The following FAT3 variants were observed in gnomAD, a reference collection of about 807,000 sequenced individuals.
FAT3 encodes the protein protocadherin Fat 3.
Under a neutral mutation model 310.2 loss-of-function variants are expected in FAT3, and 95 were observed. The ratio of observed to expected loss-of-function variants is 0.31; its 90% CI spans 0.26 to 0.36. The LOEUF (loss-of-function observed/expected upper bound fraction) is 0.36. FAT3 is among the 10% of genes least tolerant of loss of function. The pLI, the probability that FAT3 is intolerant of heterozygous loss-of-function variation, is 1.00. For synonymous variants in FAT3, 2,314 were observed against 2,192.9 expected, an observed-to-expected ratio of 1.06 and a Z score of -1.54; for missense variants, 5,408 against 5,715.6, an observed-to-expected ratio of 0.95 and a Z score of 1.74.
chr11:92,835,440 T>G (rs921516634), intron 15 of FAT3, among the ~76,000 whole-genome samples: 2 of 152,140 alleles, frequency 1.3e-5, no homozygotes, highest in Non-Finnish European at 2.9e-5. Flanking sequence ...AATATATTCT[T>G]TTTTTCTTTT....
chr11:92,353,892 G>A lies in FAT3; in HGVS notation c.1780G>A (p.Gly594Ser). Residue 594 changes from glycine to serine, a missense_variant, in exon 2 of 28, where the codon GGT becomes AGT. Transcript: ENST00000525166. ...QGVISYDFPV[G>S]GHITAVSAID... is the part of the protein sequence containing the mutation. ...AGTTATTTCATATGACTTTCCAGTT[G>A]GTGGTCACATCACAGCAGTCTCAGC... is the stretch of plus-strand genomic sequence containing the variant. 6.2e-7 allele frequency: 1 copy of A among 1,613,196 alleles called. No individual in the cohort carries two copies. Among genetic ancestry groups the A allele is most frequent in the Non-Finnish European group, 8.5e-7 (1 of 1,179,426 alleles).
rs138731273 is a variant in FAT3, at chr11:92,328,811, A to C, written c.-17-23285A>C. On this transcript the variant is annotated intron_variant, in intron 1 of 27. Coordinates refer to ENST00000525166, the MANE Select transcript of FAT3 (RefSeq NM_001367949.2). ...ATTTTAAAAAGTGGATTCATTGAAG[A>C]CAGAGGTGATGAATTGTGTGGCATA... Among the ~76,000 whole-genome samples the C allele has an allele frequency of 2.0e-3, 310 of 152,248 alleles. 3 individuals carry two copies. Among genetic ancestry groups the C allele is most frequent in the African/African-American group, 7.2e-3 (300 of 41,546 alleles).
chr11:92,707,325 G>A (rs1337485114), intron 4 of FAT3, among the ~76,000 whole-genome samples: 1 of 152,186 alleles, frequency 6.6e-6, no homozygotes, highest in African/African-American at 2.4e-5. Context: ...CTTTGGGCAG[G>A]TCACAGCTTG....
rs1190413226 is a variant in FAT3, at chr11:92,797,839, A to C, written c.4826A>C (p.Asn1609Thr). The change falls in exon 10 of 28, where the codon AAC becomes ACC. Residue 1609 changes from asparagine to threonine, a missense_variant. Around this residue, in one of 5 missense-constraint regions of FAT3, gnomAD observed 4,588 missense variants for 4,809.8 expected, o/e 0.95. Coordinates refer to ENST00000525166, the MANE Select transcript of FAT3 (RefSeq NM_001367949.2). ...AELIYTIEAG[N>T]TGNMFKIEPV... ...ACCATTGATTTCTGTATTTTAGGGA[A>C]CACTGGGAACATGTTTAAGATCGAA... is the stretch of plus-strand genomic sequence containing the variant. The C allele has an allele frequency of 6.2e-7, 1 of 1,607,044 alleles. No individual in the cohort carries two copies. Among genetic ancestry groups the C allele is most frequent in the Non-Finnish European group, 8.5e-7 (1 of 1,174,748 alleles).
At chr11:92,723,704 G>A (rs1944924904) in intron 4 of FAT3, among the ~76,000 whole-genome samples, 1 of 152,194 alleles carries the variant, frequency 6.6e-6, no homozygotes. Context: ...CATGGCAGAA[G>A]GTGAAAGGCA....
At chr11:92,403,507 A>C (rs1950069818) in intron 2 of FAT3, 1 of 152,196 alleles carries the variant, frequency 6.6e-6, no homozygotes, top group Non-Finnish European at 1.5e-5. Flanking sequence ...TGTAAATGTG[A>C]TAGGAGTTTA....
chr11:92,355,224 C>T lies in FAT3; in HGVS notation c.3112C>T (p.Leu1038Phe). 1.9e-6 allele frequency: 3 copies of T among 1,613,782 alleles called. No homozygotes were observed. Among genetic ancestry groups the T allele is most frequent in the African/African-American group, 2.7e-5 (2 of 75,010 alleles). ...EVEVVDVNEN[L>F]HTPYFPDFAV... is the part of the protein sequence containing the mutation. ...GGAAGTGGTGGATGTCAATGAAAACCTCCACACTCCCTATTTCCCAGACTT... is the reference window on the plus strand; with the variant it reads ...GGAAGTGGTGGATGTCAATGAAAACTTCCACACTCCCTATTTCCCAGACTT... Residue 1038 changes from leucine (L) to phenylalanine (F), a missense_variant, in exon 2 of 28, where the codon CTC (leucine) becomes TTC (phenylalanine). Transcript: ENST00000525166.
chr11:92,482,847 A>T (rs1952270575), intron 2 of FAT3, among the ~76,000 whole-genome samples: 1 of 152,176 alleles, frequency 6.6e-6, no homozygotes, highest in Non-Finnish European at 1.5e-5. Flanking sequence ...TGAGAAAGCG[A>T]GAGGGAAAGT....
At chr11:92,591,594 A>G (rs1939429659) in intron 3 of FAT3, among the ~76,000 whole-genome samples, 1 of 152,158 alleles carries the variant, frequency 6.6e-6, no homozygotes, top group Non-Finnish European at 1.5e-5. Context: ...TCTTTCAGAA[A>G]ATGTTTTCAT....
chr11:92,293,337 C>T (rs1489362680), intron 1 of FAT3, among the ~76,000 whole-genome samples: 2 of 151,498 alleles, frequency 1.3e-5, no homozygotes, highest in East Asian at 3.9e-4. Context: ...GGCAGATCAT[C>T]AGTCTTTTCT....
intron 2 of FAT3, among the ~76,000 whole-genome samples, chr11:92,522,497 C>A (rs184854516): frequency 6.6e-6 from 1 of 152,110 alleles, no homozygotes; most frequent in African/African-American, 2.4e-5. Context: ...TCTGGGTTGA[C>A]GGTTCAGGGC....
chr11:92,669,897 A>G (rs1399432167), intron 3 of FAT3, among the ~76,000 whole-genome samples: 1 of 152,204 alleles, frequency 6.6e-6, no homozygotes, highest in Non-Finnish European at 1.5e-5. Context: ...TGTTACTACT[A>G]TTATTCAAAA....
chr11:92,327,757 A>T (rs1386776651), intron 1 of FAT3, among the ~76,000 whole-genome samples: 1 of 152,206 alleles, frequency 6.6e-6, no homozygotes, highest in Non-Finnish European at 1.5e-5. Flanking sequence ...AGTGACTCTG[A>T]GGAAGTCACT....
chr11:92,260,165 C>T (rs1441402156), intron 1 of FAT3, among the ~76,000 whole-genome samples: 2 of 152,218 alleles, frequency 1.3e-5, no homozygotes, highest in Admixed American at 6.5e-5. Flanking sequence ...TTCCTCTCTA[C>T]CCCTTTCTGT....
intron 21 of FAT3, among the ~76,000 whole-genome samples, chr11:92,861,710 T>A (rs920787594): frequency 1.3e-5 from 2 of 152,236 alleles, no homozygotes; most frequent in South Asian, 4.1e-4. Flanking sequence ...GCCAGGAATA[T>A]CCACTAAGGG....
intron 7 of FAT3, among the ~76,000 whole-genome samples, chr11:92,789,318 A>G (rs1320280565): frequency 6.6e-6 from 1 of 152,208 alleles, no homozygotes; most frequent in Non-Finnish European, 1.5e-5. Context: ...TGTTCATTAC[A>G]CTATTTTATA....
intron 1 of FAT3, among the ~76,000 whole-genome samples, chr11:92,319,251 C>T (rs971722381): frequency 6.6e-5 from 10 of 152,090 alleles, no homozygotes; most frequent in African/African-American, 1.9e-4. Context: ...GGTTTTCTTT[C>T]GTTGTTCAAG....
chr11:92,703,514 C>T (rs978449990), intron 4 of FAT3, among the ~76,000 whole-genome samples: 1 of 152,178 alleles, frequency 6.6e-6, no homozygotes, highest in Non-Finnish European at 1.5e-5. Flanking sequence ...CAGGCATCAG[C>T]GTCAGAAGGA....
chr11:92,537,336 G>A lies in FAT3; in HGVS notation c.3607+12388G>A, dbSNP rs1591419284. On this transcript the variant is annotated intron_variant, in intron 3 of 27. Coordinates refer to ENST00000525166, the MANE Select transcript of FAT3 (RefSeq NM_001367949.2). ...GGTCTTGGTGACTTGGAGAAGAGCT[G>A]AACATGAGAGGAGAAGACAGTCTCA... Among the ~76,000 whole-genome samples the A allele has an allele frequency of 2.0e-5, 3 of 152,160 alleles. No individual in the cohort carries two copies. In the East Asian group the frequency reaches 5.8e-4, roughly 29 times the overall value.
Sources: allele counts gnomAD v4.1 joint callset (sites outside exome capture counted in the v4.1 genomes callset), GRCh38; gene constraint gnomAD v4.1.1; regional missense constraint gnomAD v4.1.1; transcripts MANE v1.5; gene names NCBI Gene and HGNC (gene_info 2026-07-23, HGNC 2026-07-21).